Variants in SH2D4A observed in about 807,000 individuals in gnomAD.
The protein encoded by SH2D4A is SH2 domain-containing protein 4A.
A neutral mutation model predicts 64.7 loss-of-function variants in SH2D4A; 70 were observed. That is an observed-to-expected ratio of 1.08 (90% confidence interval 0.89 to 1.32). The LOEUF (loss-of-function observed/expected upper bound fraction) is 1.32. Among genes scored for constraint, SH2D4A ranks in the 40% most tolerant of loss-of-function variants. The probability of loss-of-function intolerance (pLI) is 0.00; values close to 1 mark genes in which losing one functional copy is unlikely to be tolerated. For missense variants in SH2D4A, 706 were observed against 540.1 expected, an observed-to-expected ratio of 1.31 and a Z score of -3.04; for synonymous variants, 268 against 200.7, an observed-to-expected ratio of 1.34 and a Z score of -2.83.
Position 19,395,784 on chromosome 8 carries a change from G to T in SH2D4A, c.*1142G>T, listed in dbSNP as rs1408134889. The stretch of plus-strand genomic sequence containing the variant: ...AGAATTCCAGACTCCAGAACTGGAA[G>T]AATAAATGTCTGTTGTTTTAAGCTG... On this transcript the variant is annotated 3_prime_UTR_variant, in exon 10 of 10. Transcript: ENST00000265807. The T allele has an allele frequency of 6.6e-6, 1 of 152,158 alleles. No homozygotes were observed. Among genetic ancestry groups the T allele is most frequent in the African/African-American group, 2.4e-5 (1 of 41,426 alleles). 9.4% of individuals were successfully genotyped at this position (152,158 alleles called of 1,614,324 possible). A position where few individuals can be genotyped will look rare whatever the true frequency, so the allele number is the denominator to read the frequency against.
At chr8:19,339,573 C>T (rs1255938049) in intron 4 of SH2D4A, among the ~76,000 whole-genome samples, 1 of 147,992 alleles carries the variant, frequency 6.8e-6, no homozygotes, top group Non-Finnish European at 1.5e-5. Context: ...AATCATAGCT[C>T]ACTGCTGCCT....
intron 8 of SH2D4A, among the ~76,000 whole-genome samples, chr8:19,385,942 C>T (rs1022784349): frequency 2.6e-5 from 4 of 152,198 alleles, no homozygotes; most frequent in African/African-American, 9.7e-5. Context: ...TCACTGAGCA[C>T]AGAGTAGTTA....
intron 4 of SH2D4A, among the ~76,000 whole-genome samples, chr8:19,344,180 T>C (rs181394964): frequency 2.4e-4 from 36 of 152,216 alleles, no homozygotes; most frequent in African/African-American, 8.2e-4. Context: ...GCTCCTCAGG[T>C]GGGAAGTCTG....
chr8:19,379,197 T>C (rs949132371), intron 8 of SH2D4A, among the ~76,000 whole-genome samples: 1 of 152,114 alleles, frequency 6.6e-6, no homozygotes, highest in African/African-American at 2.4e-5. Flanking sequence ...CCCCAGCCCC[T>C]GGCAACTACC....
chr8:19,394,463 T>G (rs1341757870), intron 9 of SH2D4A, 87 bp from the exon 10 acceptor site: 1 of 839,484 alleles, frequency 1.2e-6, no homozygotes, highest in Non-Finnish European at 1.8e-6. Flanking sequence ...AAATCATGGG[T>G]AGGCAGCTAG....
intron 1 of SH2D4A, among the ~76,000 whole-genome samples, chr8:19,315,650 T>A (rs1190020253): frequency 6.6e-6 from 1 of 152,224 alleles, no homozygotes; most frequent in Admixed American, 6.5e-5. Context: ...TTATCATTTC[T>A]CTCTTTTAAG....
chr8:19,315,406 G>T (rs140494732), intron 1 of SH2D4A, among the ~76,000 whole-genome samples: 3 of 152,300 alleles, frequency 2.0e-5, no homozygotes, highest in African/African-American at 7.2e-5. Context: ...AAAGTGTTGG[G>T]ATTACATGTA....
intron 8 of SH2D4A, among the ~76,000 whole-genome samples, chr8:19,390,384 G>A (rs1043772220): frequency 2.0e-5 from 3 of 151,970 alleles, no homozygotes; most frequent in Non-Finnish European, 4.4e-5. Flanking sequence ...AAGAAAACGT[G>A]GAATAAGTCC....
chr8:19,383,402 T>A (rs185678091), intron 8 of SH2D4A, among the ~76,000 whole-genome samples: 64 of 152,150 alleles, frequency 4.2e-4, no homozygotes, highest in African/African-American at 1.5e-3. Context: ...GGTTTTTTTT[T>A]TTTTATTTTA....
At chr8:19,326,500 C>T (rs969545857) in intron 2 of SH2D4A, among the ~76,000 whole-genome samples, 2 of 152,194 alleles carry the variant, frequency 1.3e-5, no homozygotes, top group East Asian at 1.9e-4. Flanking sequence ...TAATATGGAA[C>T]GTTGCTACCA....
At chr8:19,350,699 G>A (rs2052688701) in intron 4 of SH2D4A, among the ~76,000 whole-genome samples, 1 of 152,232 alleles carries the variant, frequency 6.6e-6, no homozygotes, top group African/African-American at 2.4e-5. Flanking sequence ...GCCCAGGCTG[G>A]TCTCAAACTC....
At chr8:19,322,591 C>CACAATAG (rs2052210178) in intron 2 of SH2D4A, among the ~76,000 whole-genome samples, 1 of 149,506 alleles carries the variant, frequency 6.7e-6, no homozygotes, top group Non-Finnish European at 1.5e-5. Context: ...TATTGTGCAT[C>CACAATAG]ACAGAAACTT....
chr8:19,381,196 A>G (rs2053287596), intron 8 of SH2D4A, among the ~76,000 whole-genome samples: 1 of 151,666 alleles, frequency 6.6e-6, no homozygotes, highest in Admixed American at 6.6e-5. Context: ...ATTAAAGGCA[A>G]CCACCACCAT....
chr8:19,334,342 G>A (rs1411819698), intron 3 of SH2D4A, among the ~76,000 whole-genome samples: 2 of 149,070 alleles, frequency 1.3e-5, no homozygotes, highest in African/African-American at 5.0e-5. Flanking sequence ...TTTAATCATC[G>A]ATTGGAAGCA....
intron 7 of SH2D4A, among the ~76,000 whole-genome samples, chr8:19,367,968 C>T (rs563254057): frequency 6.6e-6 from 1 of 152,158 alleles, no homozygotes; most frequent in Admixed American, 6.5e-5. Flanking sequence ...AGTGTTTCCC[C>T]AGTATTTTCT....
chr8:19,360,104 C>G (rs568457216), intron 5 of SH2D4A, among the ~76,000 whole-genome samples: 1 of 152,086 alleles, frequency 6.6e-6, no homozygotes, highest in Non-Finnish European at 1.5e-5. Context: ...ATTTCTCTTT[C>G]GTTTAAAATG....
chr8:19,369,257 T>C (rs954767447), intron 7 of SH2D4A, among the ~76,000 whole-genome samples: 1 of 152,160 alleles, frequency 6.6e-6, no homozygotes, highest in African/African-American at 2.4e-5. Flanking sequence ...GATTTTTGTA[T>C]CTATGTTCAT....
chr8:19,373,606 C>A lies in SH2D4A; in HGVS notation c.994C>A (p.Pro332Thr). 1 of 1,613,428 alleles carries A rather than the reference C, an allele frequency of 6.2e-7. No individual in the cohort carries two copies. Residue 332 changes from proline to threonine, a missense_variant, in exon 8 of 10, where the codon CCA (proline) becomes ACA (threonine). By Grantham distance (38) the Pro-to-Thr change is conservative. Transcript: ENST00000265807. Reference sequence around the variant, plus strand: ...CCGGTGGTTTAAAGAGGAGCAGCTACCACTTCGAGCGGGCTACCAGAAAAC... The same window carrying A: ...CCGGTGGTTTAAAGAGGAGCAGCTAACACTTCGAGCGGGCTACCAGAAAAC... ...IIRWFKEEQL[P>T]LRAGYQKTSD...
intron 8 of SH2D4A, among the ~76,000 whole-genome samples, chr8:19,380,603 T>A (rs1320679011): frequency 2.0e-5 from 3 of 152,196 alleles, no homozygotes; most frequent in Non-Finnish European, 4.4e-5. Flanking sequence ...TTATGCAATT[T>A]TACCAGCACC....
Sources: allele counts gnomAD v4.1 joint callset (sites outside exome capture counted in the v4.1 genomes callset), GRCh38; gene constraint gnomAD v4.1.1; transcripts MANE v1.5; gene names NCBI Gene and HGNC (gene_info 2026-07-23, HGNC 2026-07-21).